The following ASNS variants were observed in gnomAD, a reference collection of about 807,000 sequenced individuals.
ASNS encodes the protein asparagine synthetase (glutamine-hydrolyzing).
A neutral mutation model predicts 62.6 loss-of-function variants in ASNS; 37 were observed. The observed-to-expected ratio is 0.59, with a 90% confidence interval of 0.45 to 0.78. The LOEUF (loss-of-function observed/expected upper bound fraction) is 0.78. ASNS is among the 30% of genes least tolerant of loss of function. ASNS has a pLI of 0.00. For synonymous variants in ASNS, 207 were observed against 237.9 expected, an observed-to-expected ratio of 0.87 and a Z score of 1.19; for missense variants, 520 against 682.4, an observed-to-expected ratio of 0.76 and a Z score of 2.65.
the ASNS span, among the ~76,000 whole-genome samples, chr7:97,887,947 C>A: frequency 0.12 from 17,594 of 152,094 alleles, 1,055 homozygotes; most frequent in African/African-American, 0.13. Flanking sequence ...TTCAGAAATA[C>A]TTTCTTCTCC....
At position 97,853,210 on chromosome 7, in the gene ASNS, C is replaced by G. The variant is rs774128083; in HGVS notation, c.1326G>C (p.Gly442=). Residue 442 remains glycine (G), a synonymous_variant, in exon 12 of 13, where the codon GGG becomes GGC. Transcript: ENST00000394308. ...TCTCTCTCAGGAGATGTTTTTCTAT[C>G]CCATTCTGACGTGACAAAAAAAGGA... ...LPPEMRIPKN[G]IEKHLLRETF... 2.7e-5 allele frequency: 44 copies of G among 1,605,732 alleles called. 1 individual carries two copies. The South Asian group carries it at 4.9e-4, about 18-fold the overall frequency.
chr7:97,867,220 T>C (rs1038680874), intron 3 of ASNS, among the ~76,000 whole-genome samples: 1 of 149,656 alleles, frequency 6.7e-6, no homozygotes, highest in African/African-American at 2.4e-5. Context: ...CATTCCTCCT[T>C]TCTTTCATTC....
intron 7 of ASNS, 35 bp downstream of exon 7, chr7:97,858,243 A>C: frequency 6.2e-7 from 1 of 1,608,884 alleles, no homozygotes; most frequent in Non-Finnish European, 8.5e-7. Context: ...GTCTACTCTA[A>C]CTACACTACA....
chr7:97,856,631 C>T, intron 8 of ASNS, 59 bp downstream of exon 8: 5 of 1,401,686 alleles, frequency 3.6e-6, no homozygotes, highest in South Asian at 3.2e-5. Flanking sequence ...TTTTTTAAAC[C>T]TTACATTTTT....
intron 9 of ASNS, 99 bp from the exon 10 acceptor site, chr7:97,854,779 TAAAC>T (rs766389995): frequency 1.9e-6 from 3 of 1,566,426 alleles, no homozygotes; most frequent in Non-Finnish European, 2.6e-6. Context: ...GACAAAAAGT[TAAAC>T]AAATTTAGGG....
chr7:97,889,524 C>CAA, the ASNS span, among the ~76,000 whole-genome samples: 4 of 148,792 alleles, frequency 2.7e-5, no homozygotes, highest in African/African-American at 7.4e-5. Context: ...TCAACAACCA[C>CAA]AAAAAAAAAC....
At chr7:97,853,256 A>G (rs766974447) in intron 11 of ASNS, 41 bp from the exon 12 acceptor site, 1 of 1,611,044 alleles carries the variant, frequency 6.2e-7, no homozygotes, top group Non-Finnish European at 8.5e-7. Flanking sequence ...AAAATTACAA[A>G]TATAATCTGA....
chr7:97,887,094 C>A, the ASNS span, among the ~76,000 whole-genome samples: 48 of 152,234 alleles, frequency 3.2e-4, no homozygotes, highest in African/African-American at 1.1e-3. Flanking sequence ...AAATCTACAA[C>A]TGATTTGCTT....
chr7:97,880,606 T>C, the ASNS span, among the ~76,000 whole-genome samples: 1 of 152,164 alleles, frequency 6.6e-6, no homozygotes, highest in Non-Finnish European at 1.5e-5. Flanking sequence ...ACTTGGCAGG[T>C]CAGAATTGGA....
chr7:97,853,532 C>T, intron 10 of ASNS, 146 bp from the exon 11 acceptor site: 1 of 610,106 alleles, frequency 1.6e-6, no homozygotes, highest in Non-Finnish European at 2.8e-6. Flanking sequence ...TAATGACTGC[C>T]CTACACTAAT....
rs1791457905 is a variant in ASNS at position 97,856,765 on chromosome 7, C to T, written c.955G>A (p.Glu319Lys). The change falls in exon 8 of 13, where the codon GAA (glutamate) becomes AAA (lysine). Residue 319 changes from glutamate to lysine, a missense_variant. Physicochemically the swap from Glu to Lys is moderately conservative, Grantham distance 56. Coordinates refer to ENST00000394308, the MANE Select transcript of ASNS (RefSeq NM_001673.5). ...EHYEVLFNSE[E>K]GIQALDEVIF... is the part of the protein sequence containing the mutation. ...ACTTCATCCAGAGCCTGAATGCCTT[C>T]CTCAGAGTTAAAAAGGACTTCATAA... 1 of 1,613,248 alleles carries T rather than the reference C, an allele frequency of 6.2e-7. No homozygotes were observed. Among genetic ancestry groups the T allele is most frequent in the South Asian group, 1.1e-5 (1 of 91,026 alleles).
chr7:97,923,990 C>A, the ASNS span, among the ~76,000 whole-genome samples: 1 of 152,138 alleles, frequency 6.6e-6, no homozygotes, highest in East Asian at 1.9e-4. Context: ...AAAATGACAA[C>A]CTTAATGAAA....
At chr7:97,927,454 G>A in the ASNS span, among the ~76,000 whole-genome samples, 2 of 152,368 alleles carry the variant, frequency 1.3e-5, no homozygotes, top group African/African-American at 4.8e-5. Flanking sequence ...GAGGGTAAGT[G>A]GCTTGTGCCA....
chr7:97,925,725 G>A, the ASNS span, among the ~76,000 whole-genome samples: 8 of 152,184 alleles, frequency 5.3e-5, no homozygotes, highest in African/African-American at 1.2e-4. Context: ...TACCTGGTGC[G>A]TTAATCAGGG....
At chr7:97,904,284 T>TCACACACACACACA in the ASNS span, among the ~76,000 whole-genome samples, 91 of 135,164 alleles carry the variant, frequency 6.7e-4, 1 homozygote, top group Middle Eastern at 3.7e-3. Context: ...ACTACCAGTT[T>TCACACACACACACA]CACACACACA....
chr7:97,859,126 T>A, intron 5 of ASNS, 87 bp downstream of exon 5: 1 of 1,511,870 alleles, frequency 6.6e-7, no homozygotes, highest in South Asian at 1.3e-5. Context: ...GTCTTGAAAC[T>A]AAAATCATTC....
chr7:97,889,060 G>A, the ASNS span, among the ~76,000 whole-genome samples: 1 of 152,150 alleles, frequency 6.6e-6, no homozygotes, highest in Non-Finnish European at 1.5e-5. Context: ...CCACCTGGAG[G>A]CCCAGGGATT....
rs200000812 is a variant in ASNS at position 97,856,772 on chromosome 7, G to A, written c.948C>T (p.Asn316=). The part of the protein sequence containing the change: ...IGSEHYEVLF[N]SEEGIQALDE... ...CCAGAGCCTGAATGCCTTCCTCAGA[G>A]TTAAAAAGGACTTCATAATGTTCAC... is the stretch of plus-strand genomic sequence containing the variant. Residue 316 remains asparagine (N), a synonymous_variant, in exon 8 of 13, where the codon AAC becomes AAT. Coordinates refer to ENST00000394308, the MANE Select transcript of ASNS (RefSeq NM_001673.5). 3.1e-6 allele frequency: 5 copies of A among 1,612,818 alleles called. No individual in the cohort carries two copies. Among genetic ancestry groups the A allele is most frequent in the Admixed American group, 3.3e-5 (2 of 59,944 alleles).
intron 12 of ASNS, among the ~76,000 whole-genome samples, 167 bp from the exon 13 acceptor site, chr7:97,852,635 G>T (rs561715885): frequency 6.6e-6 from 1 of 152,280 alleles, no homozygotes; most frequent in African/African-American, 2.4e-5. Context: ...AATATGGATA[G>T]CTGCAGTGCC....
Sources: allele counts gnomAD v4.1 joint callset (sites outside exome capture counted in the v4.1 genomes callset), GRCh38; gene constraint gnomAD v4.1.1; transcripts MANE v1.5; gene names NCBI Gene and HGNC (gene_info 2026-07-23, HGNC 2026-07-21).